DGKB: variants seen among roughly 807,000 people sequenced by gnomAD.
DGKB encodes 90 kDa diacylglycerol kinase.
A neutral mutation model predicts 114.3 loss-of-function variants in DGKB; 67 were observed. That is an observed-to-expected ratio of 0.59 (90% CI 0.48 to 0.72). The LOEUF (loss-of-function observed/expected upper bound fraction) is 0.72. DGKB is among the 30% of genes least tolerant of loss of function. The pLI, the probability that DGKB is intolerant of heterozygous loss-of-function variation, is 0.00. For missense variants in DGKB, 907 were observed against 975.2 expected (o/e 0.93, Z 0.93); for synonymous variants, 398 against 323.1 (o/e 1.23, Z -2.49).
intron 20 of DGKB, among the ~76,000 whole-genome samples, chr7:14,519,634 A>G (rs930895197): frequency 4.6e-5 from 7 of 152,018 alleles, no homozygotes; most frequent in Non-Finnish European, 8.8e-5. Context: ...AGAAACTTCC[A>G]AACTGCTAAA....
intron 1 of DGKB, among the ~76,000 whole-genome samples, chr7:14,953,289 T>G (rs1003273986): frequency 3.3e-5 from 5 of 152,134 alleles, no homozygotes; most frequent in Non-Finnish European, 7.4e-5. Flanking sequence ...ATGGATAAAG[T>G]ATTTGTAAAT....
At chr7:14,372,139 T>C (rs1817762437) in intron 21 of DGKB, among the ~76,000 whole-genome samples, 1 of 152,136 alleles carries the variant, frequency 6.6e-6, no homozygotes, top group Non-Finnish European at 1.5e-5. Context: ...TTGGTCTAGG[T>C]TGCTCAGATC....
chr7:14,468,832 T>TTTC (rs1377033456), intron 21 of DGKB, among the ~76,000 whole-genome samples: 1 of 152,094 alleles, frequency 6.6e-6, no homozygotes, highest in South Asian at 2.1e-4. Flanking sequence ...GTTTCTTTAT[T>TTTC]TGTTATCCTA....
intron 12 of DGKB, among the ~76,000 whole-genome samples, chr7:14,680,321 A>G (rs990590890): frequency 3.3e-5 from 5 of 151,998 alleles, no homozygotes; most frequent in African/African-American, 4.8e-5. Flanking sequence ...CAGCTATTCA[A>G]TGGTATTTAG....
Position 14,214,966 on chromosome 7 carries a change from C to T in DGKB, c.2123-36815G>A, listed in dbSNP as rs186829883. Among the ~76,000 whole-genome samples, 19 of 152,266 alleles carry T rather than the reference C, an allele frequency of 1.2e-4. No individual in the cohort carries two copies. The East Asian group carries it at 3.5e-3, about 28-fold the overall frequency. On this transcript the variant is annotated intron_variant, in intron 23 of 25. Coordinates refer to ENST00000402815, the MANE Select transcript of DGKB (RefSeq NM_001350709.2). ...TCCCACTCCATTGCTTCTCCTCCCA[C>T]TCAACATTTAGTAAGCACTGTCTAT... is the stretch of plus-strand genomic sequence containing the variant.
At chr7:14,624,861 T>C (rs368896596) in intron 14 of DGKB, among the ~76,000 whole-genome samples, 90 of 152,100 alleles carry the variant, frequency 5.9e-4, no homozygotes, top group Middle Eastern at 6.8e-3. Flanking sequence ...TAGTCGGGCA[T>C]GGTGGTGGAC....
intron 23 of DGKB, among the ~76,000 whole-genome samples, chr7:14,237,742 G>C (rs755041140): frequency 7.9e-5 from 12 of 151,744 alleles, no homozygotes; most frequent in Non-Finnish European, 1.8e-4. Flanking sequence ...TTGTTATCTT[G>C]GCACCGAAAA....
intron 2 of DGKB, among the ~76,000 whole-genome samples, chr7:14,814,943 T>C (rs568497091): frequency 1.4e-3 from 218 of 152,316 alleles, no homozygotes; most frequent in African/African-American, 4.9e-3. Flanking sequence ...ATTCTGGCAT[T>C]TTAATTACAG....
chr7:14,797,204 C>A (rs190277372), intron 2 of DGKB, among the ~76,000 whole-genome samples: 134 of 152,272 alleles, frequency 8.8e-4, no homozygotes, highest in African/African-American at 3.1e-3. Flanking sequence ...AAAAGTCTCA[C>A]CTGAGTCATG....
At chr7:14,807,327 T>G (rs1842897105) in intron 2 of DGKB, among the ~76,000 whole-genome samples, 1 of 151,874 alleles carries the variant, frequency 6.6e-6, no homozygotes, top group Admixed American at 6.6e-5. Context: ...GTTCTTATCC[T>G]AATGACCAAC....
At chr7:14,616,231 TA>T (rs1201069965) in intron 15 of DGKB, among the ~76,000 whole-genome samples, 1 of 148,300 alleles carries the variant, frequency 6.7e-6, no homozygotes, top group Admixed American at 6.8e-5. Context: ...TATATACATA[TA>T]TATATATACA....
intron 23 of DGKB, chr7:14,191,984 G>C: frequency 1.6e-6 from 1 of 610,638 alleles, no homozygotes; most frequent in Non-Finnish European, 2.8e-6. Flanking sequence ...TATGGTTCCT[G>C]GCAAGCTCCT....
chr7:14,308,511 G>A lies in DGKB; in HGVS notation c.2122+30004C>T, dbSNP rs1804847395. ...TTTTTCTTTTATCAGAAATATCTTT[G>A]CCAAATTTTATAATAGAGAAAGTAA... is the stretch of plus-strand genomic sequence containing the variant. On this transcript the variant is annotated intron_variant, in intron 23 of 25. Coordinates refer to ENST00000402815, the MANE Select transcript of DGKB (RefSeq NM_001350709.2). 2.6e-5 allele frequency among the ~76,000 whole-genome samples: 4 copies of A among 152,002 alleles called. 2 individuals carry two copies. In the South Asian group the frequency reaches 8.3e-4, roughly 32 times the overall value.
At chr7:14,476,938 G>T (rs980575465) in intron 21 of DGKB, among the ~76,000 whole-genome samples, 2 of 151,802 alleles carry the variant, frequency 1.3e-5, no homozygotes, top group African/African-American at 2.4e-5. Flanking sequence ...TTTTAGTAGA[G>T]ACATGGTTTC....
At chr7:14,877,278 G>A (rs780056699) in intron 1 of DGKB, among the ~76,000 whole-genome samples, 27 of 152,088 alleles carry the variant, frequency 1.8e-4, no homozygotes, top group Non-Finnish European at 3.2e-4. Flanking sequence ...TTTTATGGCC[G>A]GGTGTGGTGG....
chr7:14,763,842 T>G (rs979580283), intron 2 of DGKB, among the ~76,000 whole-genome samples: 2 of 152,074 alleles, frequency 1.3e-5, no homozygotes, highest in African/African-American at 4.8e-5. Flanking sequence ...GTGGACTGAC[T>G]GTAAGTTCAT....
At chr7:14,769,484 A>AT (rs1186483480) in intron 2 of DGKB, among the ~76,000 whole-genome samples, 12 of 151,016 alleles carry the variant, frequency 7.9e-5, no homozygotes, top group Admixed American at 4.6e-4. Flanking sequence ...TGATATTGGG[A>AT]TTTTTTTTTA....
At chr7:14,654,086 T>C (rs1272313193) in intron 13 of DGKB, among the ~76,000 whole-genome samples, 1 of 152,104 alleles carries the variant, frequency 6.6e-6, no homozygotes, top group East Asian at 1.9e-4. Flanking sequence ...GAAAAGAGGA[T>C]GTCAACTTAT....
At chr7:14,611,795 G>T (rs1805592788) in intron 16 of DGKB, among the ~76,000 whole-genome samples, 1 of 151,662 alleles carries the variant, frequency 6.6e-6, no homozygotes, top group Non-Finnish European at 1.5e-5. Flanking sequence ...CATTCTACAT[G>T]ATTCATATTA....
Sources: gnomAD v4.1 joint callset for allele counts (sites outside exome capture counted in the v4.1 genomes callset) on GRCh38, gnomAD v4.1.1 for gene constraint, MANE v1.5 for transcripts, NCBI Gene and HGNC (gene_info 2026-07-23, HGNC 2026-07-21) for gene names.